OXSR1: variants seen among roughly 807,000 people sequenced by gnomAD.
OXSR1 encodes the protein oxidative stress responsive kinase 1, also known as serine/threonine-protein kinase OSR1.
A neutral mutation model predicts 79.8 loss-of-function variants in OXSR1; 24 were observed. The ratio of observed to expected loss-of-function variants is 0.30; its 90% CI spans 0.22 to 0.42. The LOEUF (loss-of-function observed/expected upper bound fraction) is 0.42. OXSR1 is among the 10% of genes least tolerant of loss of function. The pLI, the probability that OXSR1 is intolerant of heterozygous loss-of-function variation, is 1.00. For missense variants in OXSR1, 430 were observed against 618.4 expected (o/e 0.70, Z 3.23); for synonymous variants, 226 against 209.2 (o/e 1.08, Z -0.69).
intron 4 of OXSR1, among the ~76,000 whole-genome samples, chr3:38,215,623 AGGTTT>A (rs1702467778): frequency 6.6e-6 from 1 of 152,154 alleles, no homozygotes; most frequent in African/African-American, 2.4e-5. Flanking sequence ...AGTTGTGTTT[AGGTTT>A]TTAAAACAAG....
rs1702593969 is a variant in OXSR1 at position 38,221,660 on chromosome 3, T to C, written c.573T>C (p.Cys191=). The change falls in exon 6 of 18, where the codon TGT becomes TGC. Residue 191 remains cysteine, a synonymous_variant. Coordinates refer to ENST00000311806, the MANE Select transcript of OXSR1 (RefSeq NM_005109.3). The part of the protein sequence containing the change: ...KVRKTFVGTP[C]WMAPEVMEQV... Reference sequence around the variant, plus strand: ...GAAAGACCTTTGTTGGCACCCCTTGTTGGATGGCACCTGAAGTTATGGAAC... The same window carrying C: ...GAAAGACCTTTGTTGGCACCCCTTGCTGGATGGCACCTGAAGTTATGGAAC... The C allele has an allele frequency of 1.2e-6, 2 of 1,609,540 alleles. No homozygotes were observed. The highest frequency in any genetic ancestry group is 1.7e-6 in the Non-Finnish European group (2 of 1,176,044).
At chr3:38,198,629 T>G in intron 3 of OXSR1, 93 bp from the exon 4 acceptor site, 14 of 872,578 alleles carry the variant, frequency 1.6e-5, no homozygotes, top group South Asian at 2.2e-5. Flanking sequence ...GTTAAGTTTA[T>G]GAGAAGGTTC....
intron 4 of OXSR1, among the ~76,000 whole-genome samples, chr3:38,208,287 T>C (rs1265974666): frequency 1.3e-5 from 2 of 152,052 alleles, no homozygotes; most frequent in Non-Finnish European, 2.9e-5. Context: ...GAAATTCATA[T>C]TGTTTTAAGA....
At chr3:38,193,435 C>T (rs780790810) in intron 3 of OXSR1, 31 of 1,249,820 alleles carry the variant, frequency 2.5e-5, no homozygotes, top group South Asian at 1.0e-4. Context: ...CTGTATCTTT[C>T]GTTATTGATC....
intron 3 of OXSR1, among the ~76,000 whole-genome samples, chr3:38,197,015 T>C (rs1281459756): frequency 6.6e-6 from 1 of 152,254 alleles, no homozygotes; most frequent in African/African-American, 2.4e-5. Context: ...ATTGTTTTCT[T>C]ACTAAGCAGT....
chr3:38,201,325 T>C (rs1702159085), intron 4 of OXSR1, among the ~76,000 whole-genome samples: 1 of 152,050 alleles, frequency 6.6e-6, no homozygotes, highest in South Asian at 2.1e-4. Context: ...CCCAGCACTT[T>C]GAGAGGCGGG....
chr3:38,194,229 G>A (rs1351598660), intron 3 of OXSR1, among the ~76,000 whole-genome samples: 1 of 152,146 alleles, frequency 6.6e-6, no homozygotes, highest in African/African-American at 2.4e-5. Flanking sequence ...TGCCTCTGGA[G>A]GTGAAGTCCA....
intron 3 of OXSR1, among the ~76,000 whole-genome samples, chr3:38,191,137 C>T (rs1222224389): frequency 6.6e-6 from 1 of 152,176 alleles, no homozygotes; most frequent in Admixed American, 6.5e-5. Flanking sequence ...CTCAAAACTC[C>T]TGGGTTCAAG....
intron 6 of OXSR1, 26 bp downstream of exon 6, chr3:38,221,713 A>G: frequency 7.3e-7 from 1 of 1,375,218 alleles, no homozygotes; most frequent in Non-Finnish European, 1.0e-6. Context: ...TTCTGTTTTA[A>G]ATGGGTTAGG....
chr3:38,193,187 T>A, intron 3 of OXSR1: 1 of 904,316 alleles, frequency 1.1e-6, no homozygotes, highest in Non-Finnish European at 1.6e-6. Context: ...ATTTAATAGG[T>A]GCACAAGAAA....
In OXSR1 at chr3:38,166,003, G is replaced by A. The variant is rs35930517; in HGVS notation, c.70+57G>A. ...CGGCGCTGGGAGGCGGGGGACACGG[G>A]AACGTGGGGAGCCGCGGGAGCTCGG... On this transcript the variant is annotated intron_variant, in intron 1 of 17. Transcript: ENST00000311806. 2,449 of 1,496,056 alleles carry A rather than the reference G, an allele frequency of 1.6e-3. 27 individuals carry two copies. Among genetic ancestry groups the A allele is most frequent in the East Asian group, 4.9e-3 (213 of 43,786 alleles). 92.7% of individuals were successfully genotyped at this position (1,496,056 alleles called of 1,614,324 possible). A position where few individuals can be genotyped will look rare whatever the true frequency, so the allele number is the denominator to read the frequency against.
At chr3:38,188,624 A>G (rs1444324159) in intron 2 of OXSR1, among the ~76,000 whole-genome samples, 1 of 152,174 alleles carries the variant, frequency 6.6e-6, no homozygotes, top group Non-Finnish European at 1.5e-5. Context: ...AATGTATAAT[A>G]TAGTTAAACC....
At chr3:38,227,119 T>C (rs867813785) in intron 8 of OXSR1, among the ~76,000 whole-genome samples, 1 of 152,174 alleles carries the variant, frequency 6.6e-6, no homozygotes, top group Non-Finnish European at 1.5e-5. Flanking sequence ...TTAAACTTTG[T>C]TTAGAACATT....
At chr3:38,227,010 CTG>C (rs1478891554) in intron 8 of OXSR1, among the ~76,000 whole-genome samples, 4 of 152,118 alleles carry the variant, frequency 2.6e-5, no homozygotes, top group African/African-American at 7.2e-5. Flanking sequence ...TGTAGGAACT[CTG>C]TACTAGCTTT....
At chr3:38,233,436 C>G (rs1702852838) in intron 10 of OXSR1, among the ~76,000 whole-genome samples, 1 of 152,142 alleles carries the variant, frequency 6.6e-6, no homozygotes, top group Admixed American at 6.5e-5. Context: ...CTCAGTGTTT[C>G]CAATCAGTGC....
intron 1 of OXSR1, among the ~76,000 whole-genome samples, chr3:38,172,906 C>T (rs1258809197): frequency 6.6e-6 from 1 of 152,180 alleles, no homozygotes. Context: ...GGCACCCAGG[C>T]TCCTAGTTTT....
At chr3:38,182,420 C>G (rs191443347) in intron 1 of OXSR1, among the ~76,000 whole-genome samples, 1 of 152,326 alleles carries the variant, frequency 6.6e-6, no homozygotes, top group Admixed American at 6.5e-5. Context: ...AAATGTATCT[C>G]TCTGCTAGGT....
At chr3:38,252,466 A>G in intron 17 of OXSR1, 74 bp downstream of exon 17, 1 of 942,176 alleles carries the variant, frequency 1.1e-6, no homozygotes, top group East Asian at 2.4e-5. Context: ...CAGCTTCTAT[A>G]TCCCCTGAGT....
intron 5 of OXSR1, 78 bp from the exon 6 acceptor site, chr3:38,221,500 C>A: frequency 2.6e-6 from 2 of 763,434 alleles, no homozygotes; most frequent in Admixed American, 2.1e-5. Context: ...ATAGGATGTT[C>A]ACTACATTGT....
Sources: gnomAD v4.1 joint callset for allele counts (sites outside exome capture counted in the v4.1 genomes callset) on GRCh38, gnomAD v4.1.1 for gene constraint, MANE v1.5 for transcripts, NCBI Gene and HGNC (gene_info 2026-07-23, HGNC 2026-07-21) for gene names.